The following TAFA2 variants were observed in gnomAD, a reference collection of about 807,000 sequenced individuals.
TAFA2 encodes the protein chemokine-like protein TAFA-2.
Under a neutral mutation model 18.8 loss-of-function variants are expected in TAFA2, and 7 were observed. That is an observed-to-expected ratio of 0.37 (90% CI 0.21 to 0.70). TAFA2 has a LOEUF of 0.70. Among genes scored for constraint, TAFA2 ranks in the 30% least tolerant of loss-of-function variants. TAFA2 has a pLI of 0.53. For synonymous variants in TAFA2, 60 were observed against 54.2 expected, an observed-to-expected ratio of 1.11 and a Z score of -0.47; for missense variants, 122 against 158.1, an observed-to-expected ratio of 0.77 and a Z score of 1.23.
intron 1 of TAFA2, among the ~76,000 whole-genome samples, chr12:62,237,739 C>G (rs2062844625): frequency 6.6e-6 from 1 of 151,432 alleles, no homozygotes; most frequent in South Asian, 2.1e-4. Context: ...ATTGCTGCTT[C>G]CTTTTTGGCA....
At chr12:61,756,823 G>A (rs1442369574) in intron 2 of TAFA2, among the ~76,000 whole-genome samples, 1 of 151,982 alleles carries the variant, frequency 6.6e-6, no homozygotes, top group Non-Finnish European at 1.5e-5. Flanking sequence ...ATAATGAGAA[G>A]GAAGTCTCTA....
chr12:61,938,085 A>G (rs945882611), intron 1 of TAFA2, among the ~76,000 whole-genome samples: 4 of 152,212 alleles, frequency 2.6e-5, no homozygotes, highest in African/African-American at 9.6e-5. Context: ...GGAAATACAA[A>G]TTAAAACCAC....
At chr12:62,044,481 A>T (rs983426550) in intron 1 of TAFA2, among the ~76,000 whole-genome samples, 6 of 152,134 alleles carry the variant, frequency 3.9e-5, no homozygotes, top group Non-Finnish European at 1.5e-5. Flanking sequence ...ATTTCCCACA[A>T]GTAAAGAAAG....
upstream of TAFA2, among the ~76,000 whole-genome samples, chr12:62,195,414 A>G (rs2062644911): frequency 6.6e-6 from 1 of 152,200 alleles, no homozygotes. Flanking sequence ...AAGCTTTTCA[A>G]TTTACTTTGC....
intron 1 of TAFA2, among the ~76,000 whole-genome samples, chr12:62,098,444 C>T (rs575415610): frequency 6.6e-5 from 10 of 152,264 alleles, no homozygotes; most frequent in South Asian, 2.1e-4. Flanking sequence ...GCTATGTTCC[C>T]TGCCATGTGG....
intron 2 of TAFA2, among the ~76,000 whole-genome samples, chr12:61,784,702 C>CAAA (rs61370214): frequency 6.8e-6 from 1 of 147,932 alleles, no homozygotes; most frequent in African/African-American, 2.5e-5. Context: ...TCCCATTTTT[C>CAAA]AAAAAAAAAA....
At chr12:62,225,853 T>C (rs2062783871) in intron 1 of TAFA2, among the ~76,000 whole-genome samples, 1 of 152,192 alleles carries the variant, frequency 6.6e-6, no homozygotes, top group Non-Finnish European at 1.5e-5. Context: ...AAACAGGCAG[T>C]TTTATACATT....
chr12:61,709,589 C>T lies in TAFA2; in HGVS notation c.*817G>A, dbSNP rs1869299197. 1 of 149,076 alleles carries T rather than the reference C, an allele frequency of 6.7e-6. No individual in the cohort carries two copies. Among genetic ancestry groups the T allele is most frequent in the African/African-American group, 2.4e-5 (1 of 41,162 alleles). 9.2% of individuals were successfully genotyped at this position (149,076 alleles called of 1,614,324 possible). On this transcript the variant is annotated 3_prime_UTR_variant, in exon 5 of 5. Transcript: ENST00000416284. ...GATTTCTGTGAAGGGAATAAGTAAACATAAAAAATTAAAGAAAAGCTCACT... is the reference window on the plus strand; with the variant it reads ...GATTTCTGTGAAGGGAATAAGTAAATATAAAAAATTAAAGAAAAGCTCACT...
chr12:61,800,135 T>C (rs563580276), intron 2 of TAFA2, among the ~76,000 whole-genome samples: 2 of 152,190 alleles, frequency 1.3e-5, no homozygotes, highest in African/African-American at 4.8e-5. Context: ...GTAATAAAAT[T>C]AGTGATCAAG....
intron 2 of TAFA2, among the ~76,000 whole-genome samples, chr12:61,859,001 T>C (rs1404728579): frequency 6.6e-6 from 1 of 152,228 alleles, no homozygotes. Context: ...TAAATGCCTA[T>C]AGTAGAATTA....
chr12:61,763,507 TA>T (rs1869651429), intron 2 of TAFA2, among the ~76,000 whole-genome samples: 2 of 151,932 alleles, frequency 1.3e-5, no homozygotes, highest in African/African-American at 4.8e-5. Context: ...CAGTCGATGT[TA>T]AGAAAGGTGT....
intron 1 of TAFA2, among the ~76,000 whole-genome samples, chr12:62,240,677 A>G (rs1487819128): frequency 6.6e-6 from 1 of 152,144 alleles, no homozygotes; most frequent in African/African-American, 2.4e-5. Flanking sequence ...GACCAGAAAA[A>G]TAGCATCCAT....
intron 2 of TAFA2, among the ~76,000 whole-genome samples, chr12:61,851,017 T>G (rs904281503): frequency 2.6e-5 from 4 of 152,194 alleles, no homozygotes; most frequent in Admixed American, 6.5e-5. Flanking sequence ...CTTCAGCATA[T>G]TTAAAGGAAA....
chr12:62,196,511 T>C (rs1179976297), upstream of TAFA2, among the ~76,000 whole-genome samples: 4 of 152,158 alleles, frequency 2.6e-5, no homozygotes, highest in East Asian at 5.8e-4. Flanking sequence ...TAGGGTTATA[T>C]TAATGGGCCT....
chr12:62,027,677 C>T (rs1198972436), intron 1 of TAFA2, among the ~76,000 whole-genome samples: 2 of 152,138 alleles, frequency 1.3e-5, no homozygotes, highest in African/African-American at 4.8e-5. Flanking sequence ...ATGTCAGCCT[C>T]TCTTCAAAGT....
At chr12:61,897,679 C>A (rs535461169) in intron 1 of TAFA2, among the ~76,000 whole-genome samples, 1 of 152,166 alleles carries the variant, frequency 6.6e-6, no homozygotes, top group Admixed American at 6.5e-5. Context: ...CCTGGTCCCT[C>A]CCTTGACACA....
chr12:62,005,256 A>G (rs374904730), intron 1 of TAFA2, among the ~76,000 whole-genome samples: 87 of 152,210 alleles, frequency 5.7e-4, no homozygotes, highest in African/African-American at 1.9e-3. Flanking sequence ...TCATTTCTTT[A>G]CTATGTATGT....
At chr12:62,010,794 G>A (rs1467394633) in intron 1 of TAFA2, among the ~76,000 whole-genome samples, 23 of 148,452 alleles carry the variant, frequency 1.5e-4, no homozygotes, top group African/African-American at 5.5e-4. Context: ...CCTCTGCCCG[G>A]CCACCCTTCA....
chr12:62,035,360 T>C (rs1881569724), intron 1 of TAFA2, among the ~76,000 whole-genome samples: 1 of 152,074 alleles, frequency 6.6e-6, no homozygotes, highest in Admixed American at 6.6e-5. Context: ...ATTAGAATTG[T>C]TAATAATGTC....
Sources: allele counts gnomAD v4.1 joint callset (sites outside exome capture counted in the v4.1 genomes callset), GRCh38; gene constraint gnomAD v4.1.1; transcripts MANE v1.5; gene names NCBI Gene and HGNC (gene_info 2026-07-23, HGNC 2026-07-21).